The following PTGS1 variants were observed in gnomAD, a reference collection of about 807,000 sequenced individuals.
PTGS1 encodes prostaglandin G/H synthase 1.
PTGS1 carries 40 observed loss-of-function variants against 63.0 expected under a neutral mutation model. The observed-to-expected ratio is 0.63, with a 90% CI of 0.49 to 0.83. The LOEUF is 0.83. Ranked by LOEUF, PTGS1 falls within the 40% of genes least tolerant of loss-of-function variation. PTGS1 has a pLI of 0.00. For synonymous variants in PTGS1, 298 were observed against 301.9 expected (o/e 0.99, Z 0.13); for missense variants, 709 against 786.5 (o/e 0.90, Z 1.18).
rs201574310 is a variant in PTGS1, at chr9:122,383,559, G to T, written c.813G>T (p.Leu271Phe). ...CCTCGGTAGAAGAGGCGCCTGTGTT[G>T]ATGCACTACCCCCGAGGCATCCCGC... Reference protein sequence around the residue: ...YPPSVEEAPVLMHYPRGIPPQ... With the variant: ...YPPSVEEAPVFMHYPRGIPPQ... Residue 271 changes from leucine to phenylalanine, a missense_variant, in exon 8 of 11, where the codon TTG (leucine) becomes TTT (phenylalanine). Coordinates refer to ENST00000362012, the MANE Select transcript of PTGS1 (RefSeq NM_000962.4). The T allele has an allele frequency of 6.2e-7, 1 of 1,614,106 alleles. No individual in the cohort carries two copies. The highest frequency in any genetic ancestry group is 1.3e-5 in the African/African-American group (1 of 75,062).
chr9:122,376,347 TGTG>T (rs1837156807), intron 2 of PTGS1, among the ~76,000 whole-genome samples: 1 of 18,640 alleles, frequency 5.4e-5, no homozygotes, highest in Non-Finnish European at 1.3e-4. Flanking sequence ...TCCTTGCTTG[TGTG>T]TGTGTGTGTG....
At chr9:122,384,798 T>C (rs1780996422) in intron 8 of PTGS1, among the ~76,000 whole-genome samples, 1 of 151,988 alleles carries the variant, frequency 6.6e-6, no homozygotes, top group South Asian at 2.1e-4. Context: ...CTGTGACATG[T>C]GAGTATTGGA....
chr9:122,370,842 C>A, upstream of PTGS1: 2 of 630,994 alleles, frequency 3.2e-6, no homozygotes, highest in Non-Finnish European at 5.5e-6. Context: ...GCATCAGAAA[C>A]GTAAGTGCTT....
In PTGS1 at chr9:122,386,573, G is replaced by A. The variant is rs771816850; in HGVS notation, c.1137G>A (p.Glu379=). The change falls in exon 9 of 11, where the codon GAG becomes GAA. Residue 379 remains glutamate, a synonymous_variant. Coordinates refer to ENST00000362012, the MANE Select transcript of PTGS1 (RefSeq NM_000962.4). ...AATACCGCAACCGCATTGCCATGGA[G>A]TTCAACCATCTCTACCACTGGCACC... ...QFQYRNRIAM[E]FNHLYHWHPL... 6.2e-6 allele frequency: 10 copies of A among 1,614,096 alleles called. No individual in the cohort carries two copies. The highest frequency in any genetic ancestry group is 3.3e-4 in the Middle Eastern group (2 of 6,084).
In PTGS1 at chr9:122,390,302, G is replaced by A; in HGVS notation, c.1401G>A (p.Lys467=). ...MRLQPFNEYR[K]RFGMKPYTSF... ...TGCAGCCCTTCAATGAGTACCGCAA[G>A]AGGTTTGGCATGAAACCCTACACCT... Residue 467 remains lysine, a synonymous_variant, in exon 10 of 11, where the codon AAG becomes AAA. Coordinates refer to ENST00000362012, the MANE Select transcript of PTGS1 (RefSeq NM_000962.4). 6.2e-7 allele frequency: 1 copy of A among 1,614,222 alleles called. No individual in the cohort carries two copies. Among genetic ancestry groups the A allele is most frequent in the South Asian group, 1.1e-5 (1 of 91,072 alleles).
chr9:122,379,572 T>C (rs1183377291), intron 5 of PTGS1, among the ~76,000 whole-genome samples: 1 of 152,244 alleles, frequency 6.6e-6, no homozygotes, highest in Non-Finnish European at 1.5e-5. Flanking sequence ...TGTGCTTTTT[T>C]GGGTTCAAAA....
intron 3 of PTGS1, 103 bp from the exon 4 acceptor site, chr9:122,378,330 T>C: frequency 6.6e-7 from 1 of 1,504,824 alleles, no homozygotes; most frequent in Non-Finnish European, 9.1e-7. Context: ...TAGGTGCTAC[T>C]CTGTTCCACC....
chr9:122,390,206 G>C lies in PTGS1; in HGVS notation c.1305G>C (p.Gly435=). 6.2e-7 allele frequency: 1 copy of C among 1,613,824 alleles called. No individual in the cohort carries two copies. Among genetic ancestry groups the C allele is most frequent in the Middle Eastern group, 1.7e-4 (1 of 6,054 alleles). The change falls in exon 10 of 11, where the codon GGG becomes GGC. Residue 435 remains glycine, a synonymous_variant. Transcript: ENST00000362012. ...FSRQIAGRIG[G]GRNMDHHILH... is the part of the protein sequence containing the mutation. ...TGCTTCTCTCTCGGCAGATCGGTGG[G>C]GGCAGGAACATGGACCACCACATCC...
At chr9:122,389,637 C>G (rs1838083467) in intron 9 of PTGS1, among the ~76,000 whole-genome samples, 1 of 152,072 alleles carries the variant, frequency 6.6e-6, no homozygotes, top group Non-Finnish European at 1.5e-5. Context: ...AAAAGAGGTC[C>G]TCTTGGCCCA....
In PTGS1 at chr9:122,374,568, CA is replaced by C. The variant is rs537141059; in HGVS notation, c.94+3297del. Among the ~76,000 whole-genome samples the C allele has an allele frequency of 8.6e-4, 131 of 152,246 alleles. 3 individuals are homozygous for C. In the South Asian group the frequency reaches 0.026, roughly 30 times the overall value. ...CTCCTTGGTTTTCTTTCTTGATGAA[CA>C]GGGGTGTCCTCCACTGAGCATAGAA... On this transcript the variant is annotated intron_variant, in intron 2 of 10. Coordinates refer to ENST00000362012, the MANE Select transcript of PTGS1 (RefSeq NM_000962.4).
chr9:122,394,169 C>G lies in PTGS1; in HGVS notation c.*1625C>G, dbSNP rs1242179947. The G allele has an allele frequency of 6.6e-6, 1 of 152,358 alleles. No individual in the cohort carries two copies. The highest frequency in any genetic ancestry group is 1.5e-5 in the Non-Finnish European group (1 of 68,154). The allele number at this position is 152,358 out of a possible 1,614,324, so 9.4% of individuals were successfully genotyped here. A position where few individuals can be genotyped will look rare whatever the true frequency, so the allele number is the denominator to read the frequency against. On this transcript the variant is annotated 3_prime_UTR_variant, in exon 11 of 11. Transcript: ENST00000362012. The stretch of plus-strand genomic sequence containing the variant: ...CAGTGATCTCAGGGCAGACAGCCCT[C>G]CACTCCAGCTCTGAGACCCTTTTCT...
chr9:122,384,514 C>T (rs962514271), intron 8 of PTGS1, among the ~76,000 whole-genome samples: 33 of 152,146 alleles, frequency 2.2e-4, no homozygotes, highest in African/African-American at 7.2e-4. Flanking sequence ...AAGACCTTGA[C>T]CTGAGAGAGC....
Position 122,392,379 on chromosome 9 carries a change from GCCGAGCA to G in PTGS1, c.1637_1643del (p.Pro546HisfsTer16). On this transcript the variant is annotated frameshift_variant, in exon 11 of 11. Coordinates refer to ENST00000362012, the MANE Select transcript of PTGS1 (RefSeq NM_000962.4). LOFTEE classifies it high-confidence loss of function. ...CCATCTGTTCTCCGGAGTACTGGAA[GCCGAGCA>G]CATTTGGCGGCGAGGTGGGCTTTAA... 1 of 1,614,174 alleles carries G rather than the reference GCCGAGCA, an allele frequency of 6.2e-7. No homozygotes were observed. Among genetic ancestry groups the G allele is most frequent in the Non-Finnish European group, 8.5e-7 (1 of 1,180,036 alleles).
In PTGS1 at chr9:122,386,607, C is replaced by A. The variant is rs769362378; in HGVS notation, c.1171C>A (p.Pro391Thr). Reference sequence around the variant, plus strand: ...TCTCTACCACTGGCACCCCCTCATGCCTGACTCCTTCAAGGTGGGCTCCCA... The same window carrying A: ...TCTCTACCACTGGCACCCCCTCATGACTGACTCCTTCAAGGTGGGCTCCCA... ...NHLYHWHPLM[P>T]DSFKVGSQEY... is the part of the protein sequence containing the mutation. Residue 391 changes from proline to threonine, a missense_variant, in exon 9 of 11, where the codon CCT (proline) becomes ACT (threonine). Coordinates refer to ENST00000362012, the MANE Select transcript of PTGS1 (RefSeq NM_000962.4). 1.9e-5 allele frequency: 30 copies of A among 1,614,098 alleles called. 1 individual carries two copies. The South Asian group carries it at 2.6e-4, about 14-fold the overall frequency.
At chr9:122,389,602 C>T (rs181850452) in intron 9 of PTGS1, among the ~76,000 whole-genome samples, 35 of 152,202 alleles carry the variant, frequency 2.3e-4, no homozygotes, top group Admixed American at 1.8e-3. Context: ...TGTAATTCAA[C>T]GGTCTGGGGA....
rs541388427 is a variant in PTGS1, at chr9:122,378,352, C to T, written c.212-81C>T. Reference sequence around the variant, plus strand: ...TACTCTGTTCCACCCTGGCCCTTGTCCTCAGTGCCCCATCTTCCACCCTGG... The same window carrying T: ...TACTCTGTTCCACCCTGGCCCTTGTTCTCAGTGCCCCATCTTCCACCCTGG... On this transcript the variant is annotated intron_variant, in intron 3 of 10. Transcript: ENST00000362012. 65 of 1,588,256 alleles carry T rather than the reference C, an allele frequency of 4.1e-5. 2 individuals are homozygous for T. In the South Asian group the frequency reaches 6.7e-4, roughly 16 times the overall value.
At chr9:122,386,026 G>A (rs1408492549) in intron 8 of PTGS1, among the ~76,000 whole-genome samples, 1 of 152,086 alleles carries the variant, frequency 6.6e-6, no homozygotes, top group Non-Finnish European at 1.5e-5. Context: ...AGGTGTGGTG[G>A]CTCACACTTG....
At chr9:122,391,368 T>TAC (rs1195450083) in intron 10 of PTGS1, among the ~76,000 whole-genome samples, 3,143 of 83,276 alleles carry the variant, frequency 0.038, 65 homozygotes, top group Middle Eastern at 0.083. Flanking sequence ...CATATATATA[T>TAC]ATACATATAT....
chr9:122,391,336 GTA>G (rs1239298282), intron 10 of PTGS1, among the ~76,000 whole-genome samples: 1 of 110,164 alleles, frequency 9.1e-6, no homozygotes, highest in African/African-American at 5.4e-5. Flanking sequence ...ATATGTGTGT[GTA>G]TATATATACT....
Sources: allele counts gnomAD v4.1 joint callset (sites outside exome capture counted in the v4.1 genomes callset), GRCh38; gene constraint gnomAD v4.1.1; transcripts MANE v1.5; gene names NCBI Gene and HGNC (gene_info 2026-07-23, HGNC 2026-07-21).